The following MYO18A variants were observed in gnomAD, a reference collection of about 807,000 sequenced individuals.
MYO18A encodes unconventional myosin-XVIIIa.
In MYO18A, 78 loss-of-function variants were observed where a neutral mutation model predicts 235.8. The observed-to-expected ratio is 0.33, with a 90% CI of 0.28 to 0.40. The LOEUF is 0.40. MYO18A is among the 10% of genes least tolerant of loss of function. The probability of loss-of-function intolerance (pLI) is 1.00; values close to 1 mark genes in which losing one functional copy is unlikely to be tolerated. For synonymous variants in MYO18A, 977 were observed against 1,077.8 expected (o/e 0.91, Z 1.83); for missense variants, 2,215 against 2,699.3 (o/e 0.82, Z 3.98).
At chr17:29,131,185 C>T (rs1391953559) in intron 2 of MYO18A, among the ~76,000 whole-genome samples, 1 of 152,208 alleles carries the variant, frequency 6.6e-6, no homozygotes. Flanking sequence ...TTCCCCTTTA[C>T]TAGAATTCTC....
chr17:29,098,241 G>A lies in MYO18A; in HGVS notation c.3871-17C>T, dbSNP rs1459487657. 6.2e-7 allele frequency: 1 copy of A among 1,613,804 alleles called. No individual in the cohort carries two copies. On this transcript the variant is annotated splice_polypyrimidine_tract_variant and intron_variant, in intron 24 of 41. Transcript: ENST00000527372. ...CTCTGAGATCTGGGGTTGGGGGTAG[G>A]GAGTCACCACCAGTTGAAGTGCCTG...
Position 29,121,983 on chromosome 17 carries a change from G to T in MYO18A, c.1088-26C>A. 6.2e-7 allele frequency: 1 copy of T among 1,610,004 alleles called. No individual in the cohort carries two copies. Among genetic ancestry groups the T allele is most frequent in the Admixed American group, 1.7e-5 (1 of 60,020 alleles). ...CTGCAGGGGAGGGACAGACAGCTGG[G>T]ATGGGCCTGGGAAGCCTCTGCTACT... is the stretch of plus-strand genomic sequence containing the variant. On this transcript the variant is annotated intron_variant, in intron 3 of 41. Transcript: ENST00000527372. The surrounding 1 kb of genome is among the most constrained non-coding windows in gnomAD (Gnocchi z 4.2).
At chr17:29,142,941 G>A (rs1257225147) in intron 2 of MYO18A, among the ~76,000 whole-genome samples, 1 of 152,228 alleles carries the variant, frequency 6.6e-6, no homozygotes, top group African/African-American at 2.4e-5. Context: ...CTGTGTAGCT[G>A]GGATTACAGG....
chr17:29,115,840 G>T lies in MYO18A; in HGVS notation c.2051C>A (p.Ala684Asp). 6.4e-7 allele frequency: 1 copy of T among 1,573,620 alleles called. No homozygotes were observed. The highest frequency in any genetic ancestry group is 1.2e-5 in the South Asian group (1 of 85,900). The change falls in exon 12 of 42, where the codon GCT (alanine) becomes GAT (aspartate). Residue 684 changes from alanine (A) to aspartate (D), a missense_variant and splice_region_variant. Physicochemically the swap from Ala to Asp is moderately radical, Grantham distance 126. Coordinates refer to ENST00000527372, the MANE Select transcript of MYO18A (RefSeq NM_078471.4). ...ATGGCGGGCAAACTGCTTGCGCCCA[G>T]CTGTGGAGTGGAAAAAGGGATCTGG... ...AAGATKEAAE[A>D]GRKQFARHEW...
chr17:29,175,421 G>A (rs775818975), intron 1 of MYO18A, among the ~76,000 whole-genome samples: 2 of 149,368 alleles, frequency 1.3e-5, no homozygotes, highest in Non-Finnish European at 3.0e-5. Flanking sequence ...CTAGAGTGTG[G>A]TGCGATCTCG....
intron 2 of MYO18A, among the ~76,000 whole-genome samples, chr17:29,141,082 C>A (rs1177996132): frequency 2.0e-5 from 3 of 152,250 alleles, no homozygotes. Flanking sequence ...TGCAGAGAAT[C>A]AATTACACTC....
At position 29,166,285 on chromosome 17, in the gene MYO18A, C is replaced by T. The variant is rs1332710426; in HGVS notation, c.656G>A (p.Arg219Gln). ...PVVPLPPPTL[R>Q]ELELQRRPTG... ...GGGCCGTCGTTGCAGCTCCAGCTCC[C>T]GGAGGGTAGGTGGGGGCAGGGGCAC... The change falls in exon 2 of 42, where the codon CGG becomes CAG. Residue 219 changes from arginine (R) to glutamine (Q), a missense_variant. By Grantham distance (43) the Arg-to-Gln change is conservative. Coordinates refer to ENST00000527372, the MANE Select transcript of MYO18A (RefSeq NM_078471.4). 9 of 1,612,694 alleles carry T rather than the reference C, an allele frequency of 5.6e-6. No individual in the cohort carries two copies. The highest frequency in any genetic ancestry group is 4.5e-5 in the East Asian group (2 of 44,884).
At chr17:29,141,680 A>G (rs1057074143) in intron 2 of MYO18A, among the ~76,000 whole-genome samples, 8 of 152,212 alleles carry the variant, frequency 5.3e-5, no homozygotes, top group African/African-American at 1.9e-4. Flanking sequence ...TCACATACAC[A>G]GACTCTTAGG....
intron 2 of MYO18A, among the ~76,000 whole-genome samples, chr17:29,124,331 C>T (rs1284486385): frequency 6.6e-6 from 1 of 152,218 alleles, no homozygotes; most frequent in African/African-American, 2.4e-5. Flanking sequence ...CCAGAGTGAG[C>T]AGAGTTGAAA....
chr17:29,131,553 T>G, intron 2 of MYO18A: 1 of 387,762 alleles, frequency 2.6e-6, no homozygotes, highest in Non-Finnish European at 3.5e-6. Flanking sequence ...GTGGAGCTCC[T>G]GAGTCTTTAG....
intron 2 of MYO18A, among the ~76,000 whole-genome samples, chr17:29,163,701 G>C (rs2068221345): frequency 6.6e-6 from 1 of 152,206 alleles, no homozygotes; most frequent in African/African-American, 2.4e-5. Context: ...TGATCCCTGT[G>C]CTATAAAGAG....
chr17:29,147,146 A>T (rs1160056843), intron 2 of MYO18A, among the ~76,000 whole-genome samples: 1 of 152,138 alleles, frequency 6.6e-6, no homozygotes, highest in Non-Finnish European at 1.5e-5. Context: ...CTTACACACC[A>T]CCACCTGCCT....
At chr17:29,131,319 G>A (rs150035185) in intron 2 of MYO18A, 34 of 878,920 alleles carry the variant, frequency 3.9e-5, no homozygotes, top group African/African-American at 7.7e-5. Flanking sequence ...ACACATGCAC[G>A]CATGCACACA....
chr17:29,086,139 G>A (rs1226132770), intron 39 of MYO18A, among the ~76,000 whole-genome samples: 4 of 152,244 alleles, frequency 2.6e-5, no homozygotes, highest in East Asian at 1.9e-4. Flanking sequence ...CCCAGAGTGG[G>A]GCAGGTGCCA....
intron 1 of MYO18A, among the ~76,000 whole-genome samples, chr17:29,168,838 T>C (rs1418593025): frequency 6.6e-6 from 1 of 152,178 alleles, no homozygotes; most frequent in East Asian, 1.9e-4. Flanking sequence ...GGCTCATGCC[T>C]GTAATCCCCA....
rs1489101812 is a variant in MYO18A, at chr17:29,099,700, C to A, written c.3570G>T (p.Arg1190Ser). ...LEEQRDEQTS[R>S]NLTLFQAACR... is the part of the protein sequence containing the mutation. ...AGGCTGCTTGGAACAGGGTTAGGTT[C>A]CTGCTGGTTTGTTCATCCCGCTGCT... Residue 1190 changes from arginine (R) to serine (S), a missense_variant, in exon 22 of 42, where the codon AGG (arginine) becomes AGT (serine). By Grantham distance (110) the Arg-to-Ser change is moderately radical (BLOSUM62 -1). Transcript: ENST00000527372. 6.2e-7 allele frequency: 1 copy of A among 1,613,694 alleles called. No individual in the cohort carries two copies. Among genetic ancestry groups the A allele is most frequent in the Non-Finnish European group, 8.5e-7 (1 of 1,179,870 alleles).
Position 29,115,412 on chromosome 17 carries a change from C to G in MYO18A, c.2257G>C (p.Glu753Gln). ...CTGTAGAGGCCGGCCGCCATGCCCT[C>G]AAGGCACTCCAGTGCACTCAGTTTC... ...GPKLSALECL[E>Q]GMAAGLYSEL... Residue 753 changes from glutamate to glutamine, a missense_variant, in exon 13 of 42, where the codon GAG becomes CAG. Coordinates refer to ENST00000527372, the MANE Select transcript of MYO18A (RefSeq NM_078471.4). The G allele has an allele frequency of 6.2e-7, 1 of 1,613,938 alleles. No homozygotes were observed. Among genetic ancestry groups the G allele is most frequent in the Non-Finnish European group, 8.5e-7 (1 of 1,179,874 alleles).
chr17:29,112,500 A>G (rs1203585986), intron 15 of MYO18A, among the ~76,000 whole-genome samples: 1 of 152,240 alleles, frequency 6.6e-6, no homozygotes, highest in Non-Finnish European at 1.5e-5. Context: ...ACCACCACTG[A>G]GCTGCAGCTA....
At chr17:29,116,950 C>T (rs1404767851) in intron 10 of MYO18A, among the ~76,000 whole-genome samples, 4 of 151,968 alleles carry the variant, frequency 2.6e-5, no homozygotes, top group Non-Finnish European at 4.4e-5. Flanking sequence ...CTCGAGAAAA[C>T]TTCTCTAACC....
Sources: gnomAD v4.1 joint callset for allele counts (sites outside exome capture counted in the v4.1 genomes callset) on GRCh38, gnomAD v4.1.1 for gene constraint, Gnocchi (gnomAD v3.1) non-coding constraint, MANE v1.5 for transcripts, NCBI Gene and HGNC (gene_info 2026-07-23, HGNC 2026-07-21) for gene names.